The following EXOSC9 variants were observed in gnomAD, a reference collection of about 807,000 sequenced individuals.
The protein encoded by EXOSC9 is exosome complex component RRP45.
A neutral mutation model predicts 56.5 loss-of-function variants in EXOSC9; 38 were observed. That is an observed-to-expected ratio of 0.67 (90% CI 0.52 to 0.88). The LOEUF (loss-of-function observed/expected upper bound fraction) is 0.88. EXOSC9 is among the 40% of genes least tolerant of loss of function. The probability of loss-of-function intolerance (pLI) is 0.00; values close to 1 mark genes in which losing one functional copy is unlikely to be tolerated. For missense variants in EXOSC9, 559 were observed against 530.5 expected, an observed-to-expected ratio of 1.05 and a Z score of -0.53; for synonymous variants, 170 against 170.8, an observed-to-expected ratio of 0.99 and a Z score of 0.04.
At chr4:121,801,663 G>A in intron 1 of EXOSC9, 164 bp from the exon 2 acceptor site, 5 of 780,980 alleles carry the variant, frequency 6.4e-6, no homozygotes, top group Non-Finnish European at 2.2e-6. Context: ...CAAGGCTCCA[G>A]TCACCGCAGC....
intron 6 of EXOSC9, among the ~76,000 whole-genome samples, chr4:121,809,052 G>A (rs1388547612): frequency 6.6e-6 from 1 of 151,702 alleles, no homozygotes; most frequent in Non-Finnish European, 1.5e-5. Flanking sequence ...GCAGTGGTGT[G>A]ATCATAGCTC....
chr4:121,801,356 G>A lies in EXOSC9; in HGVS notation c.-69G>A, dbSNP rs1726852209. 1 of 1,459,358 alleles carries A rather than the reference G, an allele frequency of 6.9e-7. No homozygotes were observed. Among genetic ancestry groups the A allele is most frequent in the South Asian group, 1.1e-5 (1 of 87,930 alleles). The allele number at this position is 1,459,358 out of a possible 1,614,324, so 90.4% of individuals were successfully genotyped here. ...CCTGCGCCTCGGGGCGAGCAGCGGC[G>A]CGCAAGGAAAGATCGGGTTCCGTTT... On this transcript the variant is annotated 5_prime_UTR_variant, in exon 1 of 12. Transcript: ENST00000243498.
chr4:121,813,171 T>A, intron 8 of EXOSC9, 63 bp from the exon 9 acceptor site: 1 of 1,443,226 alleles, frequency 6.9e-7, no homozygotes, highest in Non-Finnish European at 9.4e-7. Context: ...TCCCTTCCTG[T>A]CTTCTATCCA....
chr4:121,810,087 A>G lies in EXOSC9; in HGVS notation c.726A>G (p.Leu242=), dbSNP rs777030767. Residue 242 remains leucine (L), a synonymous_variant, in exon 7 of 12, where the codon CTA becomes CTG. Transcript: ENST00000243498. Reference sequence around the variant, plus strand: ...TCCAGTCCAGTGGTGGGATAATGCTACTAAAAGATCAAGTTAGTGCTTTGA... The same window carrying G: ...TCCAGTCCAGTGGTGGGATAATGCTGCTAAAAGATCAAGTTAGTGCTTTGA... ...CTIQSSGGIM[L]LKDQVLRCSK... is the part of the protein sequence containing the mutation. The G allele has an allele frequency of 3.7e-6, 6 of 1,613,570 alleles. No homozygotes were observed. Among genetic ancestry groups the G allele is most frequent in the Non-Finnish European group, 5.1e-6 (6 of 1,179,636 alleles).
chr4:121,807,536 A>G lies in EXOSC9; in HGVS notation c.523-4A>G. ...TAATTATTAAACATTTTCTTTTGAA[A>G]CAGTATACACCTGAAGAGCGTGATC... On this transcript the variant is annotated splice_region_variant and splice_polypyrimidine_tract_variant and intron_variant, in intron 5 of 11. Transcript: ENST00000243498. 1 of 1,572,958 alleles carries G rather than the reference A, an allele frequency of 6.4e-7. No individual in the cohort carries two copies.
intron 10 of EXOSC9, chr4:121,815,856 T>A: frequency 9.0e-7 from 1 of 1,108,802 alleles, no homozygotes; most frequent in Non-Finnish European, 1.1e-6. Context: ...TACCAAATTG[T>A]CACACCATTC....
chr4:121,809,609 A>G (rs1424826555), intron 6 of EXOSC9, among the ~76,000 whole-genome samples: 1 of 152,198 alleles, frequency 6.6e-6, no homozygotes, highest in Non-Finnish European at 1.5e-5. Flanking sequence ...GGAGTACAGG[A>G]CATTAGGGCA....
chr4:121,813,612 TTAG>T (rs1288878112), intron 9 of EXOSC9: 1 of 539,620 alleles, frequency 1.9e-6, no homozygotes, highest in Non-Finnish European at 3.2e-6. Flanking sequence ...CCAATTTAAT[TTAG>T]TACTATAACT....
Position 121,809,868 on chromosome 4 carries a change from T to A in EXOSC9, c.606-99T>A. The A allele has an allele frequency of 2.9e-6, 4 of 1,371,304 alleles. No individual in the cohort carries two copies. The South Asian group carries it at 3.5e-5, about 12-fold the overall frequency. The allele number at this position is 1,371,304 out of a possible 1,614,324, so 84.9% of individuals were successfully genotyped here. On this transcript the variant is annotated intron_variant, in intron 6 of 11. Coordinates refer to ENST00000243498, the MANE Select transcript of EXOSC9 (RefSeq NM_005033.3). ...TCCGTAGGCTCAGACCTTTATTCTC[T>A]GTTGACTTTATTGATGCCATCTTTT... is the stretch of plus-strand genomic sequence containing the variant.
At chr4:121,801,590 G>C in intron 1 of EXOSC9, 100 bp downstream of exon 1, 3 of 1,131,796 alleles carry the variant, frequency 2.7e-6, no homozygotes, top group Non-Finnish European at 2.7e-6. Flanking sequence ...GCTACTAGGG[G>C]AACGACCGGC....
rs1330201309 is a variant in EXOSC9, at chr4:121,804,779, A to G, written c.522+20A>G. The G allele has an allele frequency of 6.4e-7, 1 of 1,559,836 alleles. No homozygotes were observed. Among genetic ancestry groups the G allele is most frequent in the African/African-American group, 1.4e-5 (1 of 73,918 alleles). Reference sequence around the variant, plus strand: ...ACACTGGTAAGCTCCTATGTGAACCAGGATCCTTGATATGAATGAATGAGG... The same window carrying G: ...ACACTGGTAAGCTCCTATGTGAACCGGGATCCTTGATATGAATGAATGAGG... On this transcript the variant is annotated intron_variant, in intron 5 of 11. Transcript: ENST00000243498.
chr4:121,812,364 C>T (rs1727236975), intron 8 of EXOSC9, among the ~76,000 whole-genome samples: 1 of 152,148 alleles, frequency 6.6e-6, no homozygotes, highest in African/African-American at 2.4e-5. Flanking sequence ...ATAAATTTCA[C>T]ACTTGATCTT....
At chr4:121,807,736 C>CT in intron 6 of EXOSC9, 114 bp downstream of exon 6, 1 of 662,530 alleles carries the variant, frequency 1.5e-6, no homozygotes, top group Non-Finnish European at 2.7e-6. Flanking sequence ...AGTAAAGCAC[C>CT]TTGTATTTCC....
At position 121,802,789 on chromosome 4, in the gene EXOSC9, GGC is replaced by G; in HGVS notation, c.278_279del (p.Gly93GlufsTer26). 1 of 1,613,798 alleles carries G rather than the reference GGC, an allele frequency of 6.2e-7. No homozygotes were observed. Among genetic ancestry groups the G allele is most frequent in the Non-Finnish European group, 8.5e-7 (1 of 1,179,962 alleles). Reference protein sequence around the residue: ...SQMAAPAFEPGRQSDLLVKLN... With the variant: ...SQMAAPAFEPXRQSDLLVKLN... ...GATGGCCGCTCCAGCTTTCGAACCT[GGC>G]AGGTATTTAAATCTTTTTCTTAAGT... On this transcript the variant is annotated frameshift_variant and splice_region_variant, in exon 3 of 12. Coordinates refer to ENST00000243498, the MANE Select transcript of EXOSC9 (RefSeq NM_005033.3). LOFTEE classifies it high-confidence loss of function.
chr4:121,811,717 T>A (rs748662282), intron 8 of EXOSC9, 46 bp downstream of exon 8: 7 of 967,606 alleles, frequency 7.2e-6, no homozygotes, highest in South Asian at 3.7e-5. Context: ...TTTCATTTTT[T>A]AAATTTTTAT....
intron 10 of EXOSC9, 51 bp from the exon 11 acceptor site, chr4:121,816,318 A>G (rs1400095501): frequency 1.9e-6 from 2 of 1,064,246 alleles, no homozygotes; most frequent in African/African-American, 3.5e-5. Flanking sequence ...TAAATTTTGC[A>G]AGAGATTGCT....
At chr4:121,810,834 G>A (rs1188154310) in intron 7 of EXOSC9, among the ~76,000 whole-genome samples, 6 of 152,170 alleles carry the variant, frequency 3.9e-5, no homozygotes, top group Non-Finnish European at 8.8e-5. Context: ...CTGCATTCCA[G>A]CCTGGGCTAC....
chr4:121,804,424 G>A (rs905838684), intron 4 of EXOSC9, 198 bp from the exon 5 acceptor site: 6 of 443,104 alleles, frequency 1.4e-5, no homozygotes, highest in African/African-American at 1.2e-4. Flanking sequence ...TATGTGTTCT[G>A]TTGTTAAACG....
At chr4:121,810,685 A>C (rs1397860315) in intron 7 of EXOSC9, among the ~76,000 whole-genome samples, 1 of 152,052 alleles carries the variant, frequency 6.6e-6, no homozygotes, top group Non-Finnish European at 1.5e-5. Flanking sequence ...TCCATCTGAA[A>C]AAATAAAAAA....
Sources: gnomAD v4.1 joint callset for allele counts (sites outside exome capture counted in the v4.1 genomes callset) on GRCh38, gnomAD v4.1.1 for gene constraint, MANE v1.5 for transcripts, NCBI Gene and HGNC (gene_info 2026-07-23, HGNC 2026-07-21) for gene names.